Variants in CAGE1 observed in about 807,000 individuals in gnomAD.
CAGE1 encodes cancer-associated gene 1 protein.
A neutral mutation model predicts 94.9 loss-of-function variants in CAGE1; 66 were observed. The ratio of observed to expected loss-of-function variants is 0.70; its 90% CI spans 0.57 to 0.85. The LOEUF is 0.85. Among genes scored for constraint, CAGE1 ranks in the 40% least tolerant of loss-of-function variants. CAGE1 has a pLI of 0.00. For missense variants in CAGE1, 865 were observed against 950.4 expected (o/e 0.91, Z 1.18); for synonymous variants, 319 against 321.0 (o/e 0.99, Z 0.07).
intron 11 of CAGE1, among the ~76,000 whole-genome samples, chr6:7,345,746 AC>A (rs1399206223): frequency 1.3e-5 from 2 of 151,574 alleles, no homozygotes; most frequent in Non-Finnish European, 2.9e-5. Flanking sequence ...GCTGACTAAA[AC>A]CCCGTCTCTA....
rs778544015 is a variant in CAGE1 at position 7,378,631 on chromosome 6, T to C, written c.673A>G (p.Ser225Gly). 3 of 1,585,936 alleles carry C rather than the reference T, an allele frequency of 1.9e-6. No individual in the cohort carries two copies. The highest frequency in any genetic ancestry group is 2.6e-6 in the Non-Finnish European group (3 of 1,170,636). ...TGTACACTTTCCTTACATAAGAAGC[T>C]TGGAGGTTGGCTAGGGTTGAGGGCA... is the stretch of plus-strand genomic sequence containing the variant. Reference protein sequence around the residue: ...ESALNPSQPPSFLCKTAVPSK... With the variant: ...ESALNPSQPPGFLCKTAVPSK... Residue 225 changes from serine (S) to glycine (G), a missense_variant, in exon 4 of 14, where the codon AGC becomes GGC. Coordinates refer to ENST00000502583, the MANE Select transcript of CAGE1 (RefSeq NM_001170692.2).
At chr6:7,357,585 G>T (rs1290449971) in intron 9 of CAGE1, among the ~76,000 whole-genome samples, 1 of 151,956 alleles carries the variant, frequency 6.6e-6, no homozygotes, top group African/African-American at 2.4e-5. Flanking sequence ...AATAGCAAAA[G>T]CTTCCTTACA....
At chr6:7,385,205 A>T (rs1424264671) in intron 3 of CAGE1, among the ~76,000 whole-genome samples, 1 of 151,276 alleles carries the variant, frequency 6.6e-6, no homozygotes, top group Admixed American at 6.6e-5. Flanking sequence ...GGGTTTCTCC[A>T]TGTTGGTCAG....
chr6:7,355,442 G>C (rs1759918660), intron 10 of CAGE1, among the ~76,000 whole-genome samples: 1 of 152,104 alleles, frequency 6.6e-6, no homozygotes, highest in African/African-American at 2.4e-5. Flanking sequence ...AGGTAAACTG[G>C]AACACTAAGT....
At chr6:7,360,528 T>C (rs558291416) in intron 9 of CAGE1, among the ~76,000 whole-genome samples, 1 of 152,330 alleles carries the variant, frequency 6.6e-6, no homozygotes, top group South Asian at 2.1e-4. Context: ...ACATTCACCA[T>C]GAACAGTGGA....
intron 9 of CAGE1, among the ~76,000 whole-genome samples, chr6:7,358,027 G>GATATAGATAT (rs1748233178): frequency 3.5e-4 from 17 of 48,054 alleles, no homozygotes; most frequent in African/African-American, 1.0e-3. Flanking sequence ...TAAGTTTTGA[G>GATATAGATAT]ATATATATAT....
At chr6:7,363,224 C>T (rs536007971) in intron 9 of CAGE1, among the ~76,000 whole-genome samples, 52 of 152,160 alleles carry the variant, frequency 3.4e-4, no homozygotes, top group Non-Finnish European at 5.9e-4. Context: ...GAGCCAAGAT[C>T]GTGCCACTGC....
chr6:7,384,169 CT>C (rs1365726202), intron 3 of CAGE1, among the ~76,000 whole-genome samples: 1 of 152,154 alleles, frequency 6.6e-6, no homozygotes, highest in Non-Finnish European at 1.5e-5. Context: ...GCTCCACCCC[CT>C]GGGTTCATGC....
intron 11 of CAGE1, chr6:7,347,516 T>TGGGGGGGGGGGGGGGGGGGGGG (rs1292213281): frequency 1.3e-4 from 1 of 7,540 alleles, no homozygotes; most frequent in Non-Finnish European, 2.8e-4. Context: ...GGGGGGGGGT[T>TGGGGGGGGGGGGGGGGGGGGGG]GGGGGGGGCG....
At chr6:7,327,017 T>A (rs1758561590) in intron 13 of CAGE1, 118 bp from the exon 14 acceptor site, 6 of 722,798 alleles carry the variant, frequency 8.3e-6, no homozygotes, top group Non-Finnish European at 9.9e-6. Flanking sequence ...AGTAAGCCTA[T>A]AGATAGATGA....
chr6:7,356,639 G>A (rs1484763218), intron 9 of CAGE1, among the ~76,000 whole-genome samples: 1 of 152,042 alleles, frequency 6.6e-6, no homozygotes, highest in Non-Finnish European at 1.5e-5. Context: ...TTGCAAGAAA[G>A]CCATTAAAAA....
intron 1 of CAGE1, 93 bp from the exon 2 acceptor site, chr6:7,387,289 C>T (rs1761154181): frequency 1.5e-6 from 1 of 661,938 alleles, no homozygotes; most frequent in South Asian, 2.0e-5. Context: ...GTTCACTGCC[C>T]TTATTTGAAA....
At chr6:7,387,391 A>G (rs531899819) in intron 1 of CAGE1, among the ~76,000 whole-genome samples, 195 bp from the exon 2 acceptor site, 2 of 152,324 alleles carry the variant, frequency 1.3e-5, no homozygotes, top group South Asian at 4.1e-4. Flanking sequence ...GGAGAAAAAC[A>G]AACAGTATTG....
chr6:7,350,852 G>A (rs368318666), intron 11 of CAGE1, among the ~76,000 whole-genome samples: 1 of 152,012 alleles, frequency 6.6e-6, no homozygotes, highest in African/African-American at 2.4e-5. Flanking sequence ...CCTCAAGGAA[G>A]TAGAGAAACA....
rs564429216 is a variant in CAGE1 at position 7,379,064 on chromosome 6, G to A, written c.284-44C>T. ...AAGGAAATAAAAACGAGTAGACCAT[G>A]AACTTGGATGGTAACAGTTATATTT... is the stretch of plus-strand genomic sequence containing the variant. On this transcript the variant is annotated intron_variant, in intron 3 of 13. Coordinates refer to ENST00000502583, the MANE Select transcript of CAGE1 (RefSeq NM_001170692.2). 7.8e-5 allele frequency: 93 copies of A among 1,199,386 alleles called. 2 individuals carry two copies. The South Asian group carries it at 1.3e-3, about 16-fold the overall frequency. The allele number at this position is 1,199,386 out of a possible 1,614,324, so 74.3% of individuals were successfully genotyped here.
intron 11 of CAGE1, among the ~76,000 whole-genome samples, chr6:7,345,476 C>G (rs1018824374): frequency 2.0e-5 from 3 of 152,190 alleles, no homozygotes; most frequent in African/African-American, 7.2e-5. Flanking sequence ...AGTCCAGACA[C>G]AAAATGGCAT....
In CAGE1 at chr6:7,369,783, C is replaced by T. The variant is rs1405046036; in HGVS notation, c.1893+136G>A. The T allele has an allele frequency of 7.2e-6, 6 of 830,128 alleles. No homozygotes were observed. The Admixed American group carries it at 1.6e-4, about 22-fold the overall frequency. 51.4% of individuals were successfully genotyped at this position (830,128 alleles called of 1,614,324 possible). On this transcript the variant is annotated intron_variant, in intron 6 of 13. Transcript: ENST00000502583. Reference sequence around the variant, plus strand: ...GGGCGAAGAAGGGTTGGATGGATGGCTTAGGGGTCTGTATTTTATCTTCAA... The same window carrying T: ...GGGCGAAGAAGGGTTGGATGGATGGTTTAGGGGTCTGTATTTTATCTTCAA...
chr6:7,378,788 A>C lies in CAGE1; in HGVS notation c.516T>G (p.Ser172=). Residue 172 remains serine (S), a synonymous_variant, in exon 4 of 14, where the codon TCT becomes TCG. Transcript: ENST00000502583. ...KEENPMETSV[S]ANTDQLGNEY... ...CGTTACCAAGTTGGTCTGTATTTGC[A>C]GAAACACTAGTTTCCATTGGATTTT... is the stretch of plus-strand genomic sequence containing the variant. The C allele has an allele frequency of 6.2e-7, 1 of 1,613,926 alleles. No homozygotes were observed. Among genetic ancestry groups the C allele is most frequent in the Non-Finnish European group, 8.5e-7 (1 of 1,179,876 alleles).
At chr6:7,340,390 G>T (rs184783318) in intron 11 of CAGE1, among the ~76,000 whole-genome samples, 14 of 152,114 alleles carry the variant, frequency 9.2e-5, no homozygotes, top group African/African-American at 3.4e-4. Flanking sequence ...GCTGATTATT[G>T]CTTTTGCTGC....
Sources: allele counts gnomAD v4.1 joint callset (sites outside exome capture counted in the v4.1 genomes callset), GRCh38; gene constraint gnomAD v4.1.1; transcripts MANE v1.5; gene names NCBI Gene and HGNC (gene_info 2026-07-23, HGNC 2026-07-21).